Variants in BCCIP observed in about 807,000 individuals in gnomAD.
BCCIP encodes BRCA2 and CDKN1A-interacting protein.
A neutral mutation model predicts 32.8 loss-of-function variants in BCCIP; 23 were observed. The observed-to-expected ratio is 0.70, with a 90% confidence interval of 0.51 to 0.99. The LOEUF is 0.99. Ranked by LOEUF, BCCIP falls within the 50% of genes least tolerant of loss-of-function variation. The pLI, the probability that BCCIP is intolerant of heterozygous loss-of-function variation, is 0.00. For synonymous variants in BCCIP, 144 were observed against 137.6 expected (o/e 1.05, Z -0.33); for missense variants, 378 against 379.8 (o/e 1.00, Z 0.04).
At chr10:125,826,437 T>A (rs370706109) in intron 1 of BCCIP, 154 bp from the exon 2 acceptor site, 1 of 1,136,954 alleles carries the variant, frequency 8.8e-7, no homozygotes, top group Non-Finnish European at 1.2e-6. Flanking sequence ...TTACTCTGAG[T>A]GTTTTGTTTT....
In BCCIP at chr10:125,827,563, T is replaced by G; in HGVS notation, c.246T>G (p.Phe82Leu). The change falls in exon 3 of 7, where the codon TTT (phenylalanine) becomes TTG (leucine). Residue 82 changes from phenylalanine (F) to leucine (L), a missense_variant. Coordinates refer to ENST00000278100, the MANE Select transcript of BCCIP (RefSeq NM_078468.3). The stretch of plus-strand genomic sequence containing the variant: ...TAATTTTTTCCTCCTTTTAGCTTTT[T>G]CTAAAGGCTCCTGTGAACACTGCAG... ...DGIKKLLQQL[F>L]LKAPVNTAEL... 6.2e-7 allele frequency: 1 copy of G among 1,605,250 alleles called. No homozygotes were observed.
intron 6 of BCCIP, among the ~76,000 whole-genome samples, chr10:125,835,878 C>T (rs1228908085): frequency 1.3e-5 from 2 of 152,240 alleles, no homozygotes; most frequent in African/African-American, 4.8e-5. Flanking sequence ...AGAAATTGCA[C>T]ACCTCTATCC....
chr10:125,842,969 G>C (rs1854922477), downstream of BCCIP, among the ~76,000 whole-genome samples: 1 of 151,874 alleles, frequency 6.6e-6, no homozygotes, highest in African/African-American at 2.4e-5. Flanking sequence ...AAAAGTAATT[G>C]CGGTTTTTGC....
At position 125,834,061 on chromosome 10, in the gene BCCIP, G is replaced by A. The variant is rs1044745261; in HGVS notation, c.774+115G>A. 7.2e-5 allele frequency: 84 copies of A among 1,174,634 alleles called. 1 individual carries two copies. The highest frequency in any genetic ancestry group is 1.1e-5 in the Non-Finnish European group (9 of 822,708). 72.8% of individuals were successfully genotyped at this position (1,174,634 alleles called of 1,614,324 possible). ...CAAGTCTTTCAAGTGTGGCTACTCTGTTTTTCTGTTTCCCCACAGGACCTA... is the reference window on the plus strand; with the variant it reads ...CAAGTCTTTCAAGTGTGGCTACTCTATTTTTCTGTTTCCCCACAGGACCTA... On this transcript the variant is annotated intron_variant, in intron 6 of 6. Coordinates refer to ENST00000278100, the MANE Select transcript of BCCIP (RefSeq NM_078468.3).
intron 5 of BCCIP, among the ~76,000 whole-genome samples, chr10:125,833,102 C>CAA (rs1242641812): frequency 1.4e-5 from 2 of 144,962 alleles, no homozygotes. Flanking sequence ...ACAGCCTGGG[C>CAA]AACAGAGTGA....
rs530783222 is a variant in BCCIP at position 125,833,347 on chromosome 10, CTG to C, written c.600-422_600-421del. The stretch of plus-strand genomic sequence containing the variant: ...AGTTCCAGACTCTAGCAATTAGAGA[CTG>C]TGGTAGTAGTCACAGGCTGTAGTGA... On this transcript the variant is annotated intron_variant, in intron 5 of 6. Transcript: ENST00000278100. Among the ~76,000 whole-genome samples, 53 of 152,262 alleles carry C rather than the reference CTG, an allele frequency of 3.5e-4. 1 individual carries two copies. In the East Asian group the frequency reaches 9.1e-3, roughly 26 times the overall value.
At chr10:125,852,198 G>A (rs1011433484) in intron 7 of BCCIP, 45 of 1,447,448 alleles carry the variant, frequency 3.1e-5, no homozygotes, top group Non-Finnish European at 3.3e-5. Flanking sequence ...ATGCTTGTGT[G>A]CATTGCTGCG....
rs2134011045 is a variant in BCCIP at position 125,831,507 on chromosome 10, A to C, written c.499A>C (p.Lys167Gln). 1 of 1,614,214 alleles carries C rather than the reference A, an allele frequency of 6.2e-7. No individual in the cohort carries two copies. Among genetic ancestry groups the C allele is most frequent in the Non-Finnish European group, 8.5e-7 (1 of 1,180,028 alleles). The change falls in exon 5 of 7, where the codon AAG (lysine) becomes CAG (glutamine). Residue 167 changes from lysine to glutamine, a missense_variant. Lys to Gln is a moderately conservative substitution (Grantham distance 53). Coordinates refer to ENST00000278100, the MANE Select transcript of BCCIP (RefSeq NM_078468.3). ...AAAGAGCATGGTTGAACAGCTGGAC[A>C]AGTTTTTAAATGACACCACCAAGCC... ...CEKSMVEQLD[K>Q]FLNDTTKPVG... is the part of the protein sequence containing the mutation.
chr10:125,851,495 A>G (rs926421702), intron 7 of BCCIP, among the ~76,000 whole-genome samples: 9 of 152,200 alleles, frequency 5.9e-5, no homozygotes, highest in African/African-American at 2.2e-4. Flanking sequence ...TACTACCCTG[A>G]GCAAGAAGAT....
chr10:125,848,419 C>T (rs778173737), intron 7 of BCCIP, among the ~76,000 whole-genome samples: 13 of 152,202 alleles, frequency 8.5e-5, no homozygotes, highest in Non-Finnish European at 1.5e-4. Context: ...AGACACTCTA[C>T]CCTAATTTTA....
chr10:125,827,047 T>G (rs1854410490), intron 2 of BCCIP, among the ~76,000 whole-genome samples: 1 of 150,012 alleles, frequency 6.7e-6, no homozygotes, highest in Admixed American at 6.6e-5. Context: ...CAAGTTCATC[T>G]TTTTAGAATT....
downstream of BCCIP, among the ~76,000 whole-genome samples, chr10:125,845,975 T>C (rs1006880453): frequency 6.6e-6 from 1 of 152,180 alleles, no homozygotes; most frequent in African/African-American, 2.4e-5. Flanking sequence ...TCTCCCTGCA[T>C]GTCACATCAC....
chr10:125,835,886 T>C (rs1342833341), intron 6 of BCCIP, among the ~76,000 whole-genome samples: 1 of 152,262 alleles, frequency 6.6e-6, no homozygotes, highest in Non-Finnish European at 1.5e-5. Flanking sequence ...CACACCTCTA[T>C]CCCTGTTCCT....
chr10:125,836,564 T>C, downstream of BCCIP: 1 of 1,368,010 alleles, frequency 7.3e-7, no homozygotes, highest in Non-Finnish European at 9.7e-7. Context: ...TACACAGTGT[T>C]ATTTTCTTCA....
At chr10:125,852,592 G>T (rs1944105180) in intron 7 of BCCIP, 5 of 1,613,762 alleles carry the variant, frequency 3.1e-6, no homozygotes, top group Non-Finnish European at 4.2e-6. Flanking sequence ...CCTGGCTCTG[G>T]CTGATGGGCT....
chr10:125,852,245 A>G, intron 7 of BCCIP: 1 of 1,599,648 alleles, frequency 6.3e-7, no homozygotes. Context: ...GGGCAGGAGA[A>G]GGTGAATCTC....
exon 7 of BCCIP, chr10:125,841,637 T>C (rs2134027445): frequency 6.7e-7 from 1 of 1,495,254 alleles, no homozygotes; most frequent in Non-Finnish European, 8.8e-7. Flanking sequence ...AGTTGATCAC[T>C]ATCTCTGCTC....
At chr10:125,841,506 C>T (rs2134027282), downstream of BCCIP, 2 of 1,438,570 alleles carry the variant, frequency 1.4e-6, no homozygotes. Flanking sequence ...TGTTTTCATA[C>T]ATCTGATGTA....
chr10:125,836,847 T>C (rs1366103098), downstream of BCCIP: 1 of 1,614,012 alleles, frequency 6.2e-7, no homozygotes, highest in South Asian at 1.1e-5. Flanking sequence ...TGGTACCAGC[T>C]GCATAAATCT....
Sources: allele counts gnomAD v4.1 joint callset (sites outside exome capture counted in the v4.1 genomes callset), GRCh38; gene constraint gnomAD v4.1.1; transcripts MANE v1.5; gene names NCBI Gene and HGNC (gene_info 2026-07-23, HGNC 2026-07-21).